The following SGCB variants were observed in gnomAD, a reference collection of about 807,000 sequenced individuals.
SGCB encodes sarcoglycan beta.
SGCB carries 25 observed loss-of-function variants against 27.3 expected under a neutral mutation model. The observed-to-expected ratio is 0.92, with a 90% CI of 0.67 to 1.28. The LOEUF (loss-of-function observed/expected upper bound fraction) is 1.28, where lower values mean the gene tolerates loss of function less well. Ranked by LOEUF, SGCB falls within the 50% of genes most tolerant of loss-of-function variation. SGCB has a pLI of 0.00. For synonymous variants in SGCB, 147 were observed against 133.5 expected, an observed-to-expected ratio of 1.10 and a Z score of -0.70; for missense variants, 436 against 402.1, an observed-to-expected ratio of 1.08 and a Z score of -0.72.
chr4:52,024,098 G>A lies in SGCB; in HGVS notation c.816C>T (p.Ser272=). Residue 272 remains serine (S), a synonymous_variant, in exon 6 of 6, where the codon TCC becomes TCT. Transcript: ENST00000381431. ...MVSTTRLPSS[S]SGDQLGSGDW... is the part of the protein sequence containing the mutation. ...CACCACTACCCAACTGGTCTCCACT[G>A]GAGGAACTGGGTAGGCGGGTGGTGC... 6.2e-7 allele frequency: 1 copy of A among 1,614,096 alleles called. No homozygotes were observed. Among genetic ancestry groups the A allele is most frequent in the Middle Eastern group, 1.7e-4 (1 of 6,058 alleles).
chr4:52,027,530 A>T (rs1419317809), intron 5 of SGCB, among the ~76,000 whole-genome samples: 1 of 151,660 alleles, frequency 6.6e-6, no homozygotes, highest in African/African-American at 2.4e-5. Context: ...CTTTAATTAA[A>T]AACAACAACT....
Position 52,038,285 on chromosome 4 carries a change from T to A in SGCB, c.-26A>T. ...CTTCCCGCGCCCGCCGCCGCCGAGCTCCCCGCCCGACTGTGCCCGCCCCTC... is the reference window on the plus strand; with the variant it reads ...CTTCCCGCGCCCGCCGCCGCCGAGCACCCCGCCCGACTGTGCCCGCCCCTC... On this transcript the variant is annotated 5_prime_UTR_variant, in exon 1 of 6. Transcript: ENST00000381431. 1 of 1,288,036 alleles carries A rather than the reference T, an allele frequency of 7.8e-7. No homozygotes were observed. The highest frequency in any genetic ancestry group is 9.8e-7 in the Non-Finnish European group (1 of 1,016,310). 79.8% of individuals were successfully genotyped at this position (1,288,036 alleles called of 1,614,324 possible).
In SGCB at chr4:52,028,715, G is replaced by A. The variant is rs1247322848; in HGVS notation, c.621+15C>T. ...AATTCTCTCCCATTAGTAAAACAAA[G>A]CCAATAAATCATACCCTTTCAGTAG... On this transcript the variant is annotated intron_variant, in intron 4 of 5. Coordinates refer to ENST00000381431, the MANE Select transcript of SGCB (RefSeq NM_000232.5). The A allele has an allele frequency of 1.3e-6, 2 of 1,571,020 alleles. No homozygotes were observed. Among genetic ancestry groups the A allele is most frequent in the Admixed American group, 1.7e-5 (1 of 59,906 alleles).
chr4:52,031,504 G>A (rs998128999), intron 2 of SGCB, among the ~76,000 whole-genome samples: 3 of 142,372 alleles, frequency 2.1e-5, no homozygotes, highest in Non-Finnish European at 4.6e-5. Context: ...TTTTTTTTTG[G>A]TAGAGACAGG....
chr4:52,029,878 A>C lies in SGCB; in HGVS notation c.244-15T>G. On this transcript the variant is annotated splice_polypyrimidine_tract_variant and intron_variant, in intron 2 of 5. Transcript: ENST00000381431. ...ACAAGTGTTATCTGAAAAAGAACAC[A>C]AGTCCACTGTTGGTAGGCCGCATAC... is the stretch of plus-strand genomic sequence containing the variant. The C allele has an allele frequency of 6.2e-7, 1 of 1,600,340 alleles. No homozygotes were observed. The highest frequency in any genetic ancestry group is 8.6e-7 in the Non-Finnish European group (1 of 1,167,382).
At chr4:52,024,232 T>A in intron 5 of SGCB, 72 bp from the exon 6 acceptor site, 1 of 1,154,094 alleles carries the variant, frequency 8.7e-7, no homozygotes, top group Non-Finnish European at 1.3e-6. Context: ...TAAACAAAAC[T>A]TCCTGAAATA....
chr4:52,024,796 C>T (rs951638809), intron 5 of SGCB, among the ~76,000 whole-genome samples: 1 of 142,848 alleles, frequency 7.0e-6, no homozygotes, highest in Non-Finnish European at 1.5e-5. Flanking sequence ...CCGCTGCACT[C>T]CAGCCTGGGT....
chr4:52,032,439 C>T (rs1231343793), intron 2 of SGCB, among the ~76,000 whole-genome samples: 2 of 152,126 alleles, frequency 1.3e-5, no homozygotes, highest in South Asian at 2.1e-4. Context: ...ATTTCTGTTT[C>T]GTGACATTGT....
At chr4:52,038,136 CG>C in intron 1 of SGCB, 90 bp downstream of exon 1, 1 of 1,118,256 alleles carries the variant, frequency 8.9e-7, no homozygotes, top group Non-Finnish European at 1.1e-6. Flanking sequence ...CCGCGCCCCC[CG>C]CACCCCCGGC....
intron 3 of SGCB, 145 bp downstream of exon 3, chr4:52,029,533 T>G: frequency 1.9e-6 from 1 of 539,030 alleles, no homozygotes; most frequent in East Asian, 3.2e-5. Flanking sequence ...TTCACTATAT[T>G]CATACATTTA....
At chr4:52,027,470 G>GT (rs975139862) in intron 5 of SGCB, among the ~76,000 whole-genome samples, 41 of 150,472 alleles carry the variant, frequency 2.7e-4, no homozygotes, top group South Asian at 1.1e-3. Context: ...TTTGCTAATT[G>GT]TTTTTTTTCA....
chr4:52,036,438 T>C (rs1737393594), intron 1 of SGCB, among the ~76,000 whole-genome samples: 1 of 152,162 alleles, frequency 6.6e-6, no homozygotes, highest in Non-Finnish European at 1.5e-5. Flanking sequence ...ATGGACTTTA[T>C]CCTGAAGGCA....
At chr4:52,032,300 T>G (rs1205217956) in intron 2 of SGCB, among the ~76,000 whole-genome samples, 1 of 152,154 alleles carries the variant, frequency 6.6e-6, no homozygotes, top group Non-Finnish European at 1.5e-5. Context: ...ACAAGGTACT[T>G]CCACCAACAT....
chr4:52,020,850 T>G lies in SGCB; in HGVS notation c.*3107A>C, dbSNP rs558046313. 4 of 152,710 alleles carry G rather than the reference T, an allele frequency of 2.6e-5. No individual in the cohort carries two copies. In the East Asian group the frequency reaches 7.7e-4, roughly 29 times the overall value. 9.5% of individuals were successfully genotyped at this position (152,710 alleles called of 1,614,324 possible). The stretch of plus-strand genomic sequence containing the variant: ...TTGGTAATTTTTGCCCCCTCAATAC[T>G]TTTAAGAAGACTGTTAAAATTTTCA... On this transcript the variant is annotated 3_prime_UTR_variant, in exon 6 of 6. Transcript: ENST00000381431.
chr4:52,021,074 T>C lies in SGCB; in HGVS notation c.*2883A>G, dbSNP rs1453320961. The stretch of plus-strand genomic sequence containing the variant: ...AATATTATCAGCAGTCCGTTTTGTG[T>C]GGTTTTACATTTTTCTGTCTGCCCA... On this transcript the variant is annotated 3_prime_UTR_variant, in exon 6 of 6. Coordinates refer to ENST00000381431, the MANE Select transcript of SGCB (RefSeq NM_000232.5). 1 of 152,210 alleles carries C rather than the reference T, an allele frequency of 6.6e-6. No homozygotes were observed. The highest frequency in any genetic ancestry group is 1.5e-5 in the Non-Finnish European group (1 of 68,036). The allele number at this position is 152,210 out of a possible 1,614,324, so 9.4% of individuals were successfully genotyped here.
intron 5 of SGCB, among the ~76,000 whole-genome samples, chr4:52,025,381 A>G (rs1737062336): frequency 6.6e-6 from 1 of 152,168 alleles, no homozygotes; most frequent in African/African-American, 2.4e-5. Context: ...AACAGAAACT[A>G]GAGGAAGTGA....
rs1387316353 is a variant in SGCB, at chr4:52,023,296, ATCAT to A, written c.*657_*660del. On this transcript the variant is annotated 3_prime_UTR_variant, in exon 6 of 6. Coordinates refer to ENST00000381431, the MANE Select transcript of SGCB (RefSeq NM_000232.5). ...TAGAAGATGCTCAATAAAGATAGTT[ATCAT>A]TATTATTTAAAAGTTAAAGCTGAGA... The A allele has an allele frequency of 1.3e-5, 2 of 152,624 alleles. No homozygotes were observed. Among genetic ancestry groups the A allele is most frequent in the African/African-American group, 4.8e-5 (2 of 41,462 alleles). The allele number at this position is 152,624 out of a possible 1,614,324, so 9.5% of individuals were successfully genotyped here.
chr4:52,034,357 A>G (rs1375362796), intron 1 of SGCB, among the ~76,000 whole-genome samples: 1 of 135,964 alleles, frequency 7.4e-6, no homozygotes, highest in Non-Finnish European at 1.6e-5. Flanking sequence ...AAAAAAAAAA[A>G]AAAAAAAAAA....
In SGCB at chr4:52,028,813, A is replaced by G. The variant is rs536728645; in HGVS notation, c.538T>C (p.Phe180Leu). ...TCATGAGTTTCATAGTCTGTGCTGA[A>G]TAAGATATTTTGAGTCCTCGGGTCA... The part of the protein sequence containing the change: ...FFDPRTQNIL[F>L]STDYETHEFH... Residue 180 changes from phenylalanine (F) to leucine (L), a missense_variant, in exon 4 of 6, where the codon TTC becomes CTC. Transcript: ENST00000381431. 9.8e-5 allele frequency: 158 copies of G among 1,613,808 alleles called. 2 individuals are homozygous for G. In the South Asian group the frequency reaches 1.6e-3, roughly 16 times the overall value.
Sources: allele counts gnomAD v4.1 joint callset (sites outside exome capture counted in the v4.1 genomes callset), GRCh38; gene constraint gnomAD v4.1.1; transcripts MANE v1.5; gene names NCBI Gene and HGNC (gene_info 2026-07-23, HGNC 2026-07-21).